Variants in PSORS1C1 observed in about 807,000 individuals in gnomAD.
The protein encoded by PSORS1C1 is psoriasis susceptibility 1 candidate gene 1 protein.
A neutral mutation model predicts 9.4 loss-of-function variants in PSORS1C1; 7 were observed. That is an observed-to-expected ratio of 0.75 (90% CI 0.42 to 1.40). The LOEUF is 1.40. PSORS1C1 is among the 40% of genes most tolerant of loss of function. The pLI, the probability that PSORS1C1 is intolerant of heterozygous loss-of-function variation, is 0.01. For synonymous variants in PSORS1C1, 63 were observed against 69.4 expected (o/e 0.91, Z 0.46); for missense variants, 146 against 178.1 (o/e 0.82, Z 1.02).
At chr6:31,116,709 G>A in intron 1 of PSORS1C1, 1 of 1,612,804 alleles carries the variant, frequency 6.2e-7, no homozygotes, top group Non-Finnish European at 8.5e-7. Context: ...AACTGTCAGA[G>A]GAGCCACCCA....
In PSORS1C1 at chr6:31,139,845, C is replaced by G; in HGVS notation, c.372C>G (p.His124Gln). Reference sequence around the variant, plus strand: ...CCCTTCCTCCTCCCTCAGGAATCCACCTATCCGCCTCTAGGACCTTGGCTC... The same window carrying G: ...CCCTTCCTCCTCCCTCAGGAATCCAGCTATCCGCCTCTAGGACCTTGGCTC... Reference protein sequence around the residue: ...PQPLPPPSGIHLSASRTLAPT... With the variant: ...PQPLPPPSGIQLSASRTLAPT... The change falls in exon 6 of 6, where the codon CAC becomes CAG. Residue 124 changes from histidine to glutamine, a missense_variant. By Grantham distance (24) the His-to-Gln change is conservative. Coordinates refer to ENST00000259881, the MANE Select transcript of PSORS1C1 (RefSeq NM_014068.3). This position sits in a 1 kb window ranked among gnomAD's most constrained non-coding sequence, Gnocchi z 5.2. 1 of 1,613,122 alleles carries G rather than the reference C, an allele frequency of 6.2e-7. No individual in the cohort carries two copies. Among genetic ancestry groups the G allele is most frequent in the Non-Finnish European group, 8.5e-7 (1 of 1,180,030 alleles).
intron 1 of PSORS1C1, chr6:31,117,636 C>T (rs1772238734): frequency 8.5e-6 from 8 of 939,470 alleles, no homozygotes; most frequent in Non-Finnish European, 1.3e-5. Flanking sequence ...CCAAGCAGAG[C>T]GCAGGGAGAG....
rs1483615707 is a variant in PSORS1C1 at position 31,138,413 on chromosome 6, A to C, written c.14-17A>C. On this transcript the variant is annotated splice_polypyrimidine_tract_variant and intron_variant, in intron 3 of 5. Coordinates refer to ENST00000259881, the MANE Select transcript of PSORS1C1 (RefSeq NM_014068.3). Reference sequence around the variant, plus strand: ...AGCCTGTCTGGATGGACGCAGCCTGAACTGACCCACAAACAGACCAAAAAA... The same window carrying C: ...AGCCTGTCTGGATGGACGCAGCCTGCACTGACCCACAAACAGACCAAAAAA... 1.2e-6 allele frequency: 2 copies of C among 1,606,374 alleles called. No individual in the cohort carries two copies. Among genetic ancestry groups the C allele is most frequent in the Non-Finnish European group, 1.7e-6 (2 of 1,177,144 alleles).
intron 3 of PSORS1C1, among the ~76,000 whole-genome samples, chr6:31,130,698 G>A (rs966099371): frequency 6.6e-6 from 1 of 152,004 alleles, no homozygotes; most frequent in Non-Finnish European, 1.5e-5. Flanking sequence ...ACTGCGCCTG[G>A]CAACCTGGCC....
rs1773354579 is a variant in PSORS1C1, at chr6:31,139,819, C to G, written c.346C>G (p.Pro116Ala). ...EEAARLQQPQPLPPPSGIHLS... is the reference protein window; with the variant it reads ...EEAARLQQPQALPPPSGIHLS... ...AGCTGCCAGGCTCCAGCAACCTCAG[C>G]CCCTTCCTCCTCCCTCAGGAATCCA... The change falls in exon 6 of 6, where the codon CCC becomes GCC. Residue 116 changes from proline to alanine, a missense_variant. Coordinates refer to ENST00000259881, the MANE Select transcript of PSORS1C1 (RefSeq NM_014068.3). The surrounding 1 kb of genome is among the most constrained non-coding windows in gnomAD (Gnocchi z 5.2). 1 of 1,613,118 alleles carries G rather than the reference C, an allele frequency of 6.2e-7. No individual in the cohort carries two copies. Among genetic ancestry groups the G allele is most frequent in the African/African-American group, 1.3e-5 (1 of 75,050 alleles).
chr6:31,120,466 G>GT, intron 1 of PSORS1C1: 2 of 1,435,926 alleles, frequency 1.4e-6, no homozygotes, highest in Non-Finnish European at 1.9e-6. Flanking sequence ...AGGACACCCG[G>GT]GTCCTTTATG....
rs1451217255 is a variant in PSORS1C1 at position 31,115,571 on chromosome 6, AC to A, written c.-229+681del. On this transcript the variant is annotated intron_variant, in intron 1 of 5. Transcript: ENST00000259881. The surrounding 1 kb of genome is among the most constrained non-coding windows in gnomAD (Gnocchi z 4.2). ...GAAGAAAGGTCAGTGAAAAGTGGCC[AC>A]TGTTTCCAGATGATGGTTTGACTTT... 1 of 178,518 alleles carries A rather than the reference AC, an allele frequency of 5.6e-6. No homozygotes were observed. Among genetic ancestry groups the A allele is most frequent in the East Asian group, 1.5e-4 (1 of 6,684 alleles). 11.1% of individuals were successfully genotyped at this position (178,518 alleles called of 1,614,324 possible).
At chr6:31,135,944 C>T (rs561285429) in intron 3 of PSORS1C1, among the ~76,000 whole-genome samples, 18 of 152,206 alleles carry the variant, frequency 1.2e-4, no homozygotes, top group East Asian at 7.7e-4. Flanking sequence ...GTCTCAGCTA[C>T]GCCAGAGGCT....
At chr6:31,126,136 C>T (rs1178689183) in intron 2 of PSORS1C1, among the ~76,000 whole-genome samples, 2 of 152,226 alleles carry the variant, frequency 1.3e-5, no homozygotes, top group South Asian at 2.1e-4. Context: ...TGTGCAATCT[C>T]GGCCTGGGCC....
intron 1 of PSORS1C1, chr6:31,120,253 C>T: frequency 1.8e-6 from 2 of 1,088,562 alleles, no homozygotes; most frequent in South Asian, 1.3e-5. Flanking sequence ...ATTCCAGAGC[C>T]CCTGCCTGTC....
Position 31,115,938 on chromosome 6 carries a change from T to C in PSORS1C1, c.-229+1047T>C. On this transcript the variant is annotated intron_variant, in intron 1 of 5. Coordinates refer to ENST00000259881, the MANE Select transcript of PSORS1C1 (RefSeq NM_014068.3). The surrounding 1 kb of genome is among the most constrained non-coding windows in gnomAD (Gnocchi z 4.2). ...AAGGAGGGAAACTGAGCTAACCCTA[T>C]GCCTGGGCACTGGACTTCTCCCATA... 1 of 1,214,338 alleles carries C rather than the reference T, an allele frequency of 8.2e-7. No individual in the cohort carries two copies. The highest frequency in any genetic ancestry group is 1.2e-6 in the Non-Finnish European group (1 of 824,082). 75.2% of individuals were successfully genotyped at this position (1,214,338 alleles called of 1,614,324 possible).
intron 1 of PSORS1C1, chr6:31,116,053 G>T (rs1772093817): frequency 6.2e-7 from 1 of 1,611,954 alleles, no homozygotes; most frequent in African/African-American, 1.3e-5. Context: ...CTCTCCTTGG[G>T]GTAGGAAAAC....
intron 3 of PSORS1C1, among the ~76,000 whole-genome samples, chr6:31,136,112 C>T (rs1773127387): frequency 6.6e-6 from 1 of 151,754 alleles, no homozygotes; most frequent in Non-Finnish European, 1.5e-5. Context: ...CTTGGCCAGG[C>T]GTGGTGGTTT....
chr6:31,119,220 C>T (rs3095325), intron 1 of PSORS1C1, among the ~76,000 whole-genome samples: 52,876 of 151,962 alleles, frequency 0.35, 9,636 homozygotes, highest in South Asian at 0.54. Flanking sequence ...CACCAACAAC[C>T]AGACTGCCAT....
intron 1 of PSORS1C1, among the ~76,000 whole-genome samples, chr6:31,124,085 A>G (rs3094205): frequency 0.41 from 62,214 of 152,054 alleles, 13,577 homozygotes; most frequent in African/African-American, 0.57. Context: ...TGCTTGGATC[A>G]GGATTGTAGA....
chr6:31,123,128 C>T (rs1772536240), intron 1 of PSORS1C1, among the ~76,000 whole-genome samples: 1 of 152,240 alleles, frequency 6.6e-6, no homozygotes, highest in African/African-American at 2.4e-5. Flanking sequence ...ACAGTCTCTC[C>T]TGGCCTCCTG....
chr6:31,128,585 G>A lies in PSORS1C1; in HGVS notation c.-64-984G>A, dbSNP rs1772781031. ...TTGATTACTGCCTCTGAGGATATTA[G>A]GGGGAAAAACCCACAGGAGGTGCAT... On this transcript the variant is annotated intron_variant, in intron 2 of 5. Transcript: ENST00000259881. This position sits in a 1 kb window ranked among gnomAD's most constrained non-coding sequence, Gnocchi z 4.3. Among the ~76,000 whole-genome samples the A allele has an allele frequency of 6.6e-6, 1 of 152,158 alleles. No individual in the cohort carries two copies. Among genetic ancestry groups the A allele is most frequent in the African/African-American group, 2.4e-5 (1 of 41,438 alleles).
chr6:31,136,375 A>G (rs914599569), intron 3 of PSORS1C1, among the ~76,000 whole-genome samples: 2 of 148,910 alleles, frequency 1.3e-5, no homozygotes, highest in Admixed American at 1.4e-4. Flanking sequence ...TGGGCGACAG[A>G]GAGATAATAC....
chr6:31,123,569 G>C (rs754629665), intron 1 of PSORS1C1, among the ~76,000 whole-genome samples: 1 of 152,216 alleles, frequency 6.6e-6, no homozygotes, highest in Non-Finnish European at 1.5e-5. Context: ...GCATTGGACC[G>C]GGTGAGAAAG....
Sources: allele counts gnomAD v4.1 joint callset (sites outside exome capture counted in the v4.1 genomes callset), GRCh38; gene constraint gnomAD v4.1.1; non-coding constraint Gnocchi (gnomAD v3.1); transcripts MANE v1.5; gene names NCBI Gene and HGNC (gene_info 2026-07-23, HGNC 2026-07-21).